Variants in GPR39 observed in about 807,000 individuals in gnomAD.
The protein encoded by GPR39 is G protein-coupled receptor 39, also known as zinc sensing receptor.
Under a neutral mutation model 18.4 loss-of-function variants are expected in GPR39, and 23 were observed. The ratio of observed to expected loss-of-function variants is 1.25; its 90% CI spans 0.90 to 1.77. The LOEUF is 1.77. Ranked by LOEUF, GPR39 falls within the 40% of genes most tolerant of loss-of-function variation. The probability of loss-of-function intolerance (pLI) is 0.00; values close to 1 mark genes in which losing one functional copy is unlikely to be tolerated. For synonymous variants in GPR39, 280 were observed against 257.9 expected, an observed-to-expected ratio of 1.09 and a Z score of -0.82; for missense variants, 647 against 602.4, an observed-to-expected ratio of 1.07 and a Z score of -0.78.
chr2:132,474,077 C>T (rs1226419860), intron 1 of GPR39, among the ~76,000 whole-genome samples: 1 of 152,032 alleles, frequency 6.6e-6, no homozygotes, highest in Non-Finnish European at 1.5e-5. Flanking sequence ...GTCCTCACTT[C>T]AGTCAGAGGA....
At chr2:132,555,175 C>T (rs1369835685) in intron 1 of GPR39, among the ~76,000 whole-genome samples, 2 of 152,166 alleles carry the variant, frequency 1.3e-5, no homozygotes, top group Non-Finnish European at 2.9e-5. Flanking sequence ...TGGTCTTGAT[C>T]TCCTGACCTT....
intron 1 of GPR39, among the ~76,000 whole-genome samples, chr2:132,427,091 AT>A (rs1272720628): frequency 6.9e-6 from 1 of 145,352 alleles, no homozygotes; most frequent in African/African-American, 2.5e-5. Context: ...TATAATATAC[AT>A]ATATAGGTAC....
rs562829431 is a variant in GPR39, at chr2:132,533,608, A to G, written c.857-111493A>G. 3.7e-4 allele frequency among the ~76,000 whole-genome samples: 57 copies of G among 152,268 alleles called. 1 individual carries two copies. The highest frequency in any genetic ancestry group is 1.3e-3 in the African/African-American group (52 of 41,552). ...TGACTTCAAACTATATTACAAGGCT[A>G]CAGTAACCAAAACAGCATGGTACTG... is the stretch of plus-strand genomic sequence containing the variant. On this transcript the variant is annotated intron_variant, in intron 1 of 1. Coordinates refer to ENST00000329321, the MANE Select transcript of GPR39 (RefSeq NM_001508.3).
At chr2:132,641,980 C>T (rs940850013) in intron 1 of GPR39, among the ~76,000 whole-genome samples, 1 of 152,224 alleles carries the variant, frequency 6.6e-6, no homozygotes, top group African/African-American at 2.4e-5. Context: ...CTAACTTTCT[C>T]TGAGCCTGCA....
At chr2:132,568,063 G>C (rs1471356075) in intron 1 of GPR39, among the ~76,000 whole-genome samples, 1 of 152,000 alleles carries the variant, frequency 6.6e-6, no homozygotes, top group Admixed American at 6.5e-5. Flanking sequence ...GATTTAACTG[G>C]CCTTGAGTAG....
intron 1 of GPR39, among the ~76,000 whole-genome samples, chr2:132,552,857 TATATAC>T (rs1450366105): frequency 6.9e-6 from 1 of 145,658 alleles, no homozygotes; most frequent in African/African-American, 2.6e-5. Context: ...CACACATATA[TATATAC>T]ATATATATAC....
intron 1 of GPR39, among the ~76,000 whole-genome samples, chr2:132,601,219 T>C (rs1681037235): frequency 6.6e-6 from 1 of 152,070 alleles, no homozygotes; most frequent in African/African-American, 2.4e-5. Flanking sequence ...CTCAACAAAA[T>C]ACTAGCAAAC....
At chr2:132,421,149 A>G (rs1319643366) in intron 1 of GPR39, among the ~76,000 whole-genome samples, 4 of 152,126 alleles carry the variant, frequency 2.6e-5, no homozygotes, top group Non-Finnish European at 5.9e-5. Context: ...GGATGTGTAA[A>G]ATGAGACTTC....
In GPR39 at chr2:132,645,879, G is replaced by T; in HGVS notation, c.*273G>T. The T allele has an allele frequency of 1.5e-6, 1 of 654,452 alleles. No homozygotes were observed. The highest frequency in any genetic ancestry group is 2.6e-6 in the Non-Finnish European group (1 of 390,782). The allele number at this position is 654,452 out of a possible 1,614,324, so 40.5% of individuals were successfully genotyped here. On this transcript the variant is annotated 3_prime_UTR_variant, in exon 2 of 2. Transcript: ENST00000329321. ...CAGTCAGGCTGAATTTATTCAGAAT[G>T]CTTTACCGAGCTCTTTCATTATTTG... is the stretch of plus-strand genomic sequence containing the variant.
At chr2:132,432,898 G>A (rs907039318) in intron 1 of GPR39, among the ~76,000 whole-genome samples, 1 of 152,170 alleles carries the variant, frequency 6.6e-6, no homozygotes, top group Non-Finnish European at 1.5e-5. Flanking sequence ...AGTATATGGA[G>A]GCCACCTGTG....
At chr2:132,577,466 G>A (rs1274185724) in intron 1 of GPR39, among the ~76,000 whole-genome samples, 1 of 152,102 alleles carries the variant, frequency 6.6e-6, no homozygotes, top group East Asian at 1.9e-4. Context: ...TATTAAATCT[G>A]TATATCAATT....
At chr2:132,502,056 G>A (rs1679049065) in intron 1 of GPR39, among the ~76,000 whole-genome samples, 1 of 152,134 alleles carries the variant, frequency 6.6e-6, no homozygotes, top group South Asian at 2.1e-4. Flanking sequence ...TTTAAGTGGA[G>A]CATTTAGGCC....
chr2:132,621,151 C>T (rs1022148158), intron 1 of GPR39, among the ~76,000 whole-genome samples: 14 of 152,152 alleles, frequency 9.2e-5, no homozygotes, highest in Non-Finnish European at 2.1e-4. Flanking sequence ...GCAGCTGCTT[C>T]CCTGGCTTCA....
chr2:132,496,117 A>G (rs1192955372), intron 1 of GPR39, among the ~76,000 whole-genome samples: 2 of 152,112 alleles, frequency 1.3e-5, no homozygotes, highest in Admixed American at 6.5e-5. Flanking sequence ...ACTTGTAGCT[A>G]TTGGGCTGCA....
Position 132,591,801 on chromosome 2 carries a change from A to G in GPR39, c.857-53300A>G, listed in dbSNP as rs73955744. ...TGGTAGTTTCCAGTTTGGGGAAATT[A>G]TGAAATAAAACTGATTTAAAAAAAA... On this transcript the variant is annotated intron_variant, in intron 1 of 1. Transcript: ENST00000329321. 4.5e-3 allele frequency among the ~76,000 whole-genome samples: 683 copies of G among 152,292 alleles called. 4 individuals carry two copies. The highest frequency in any genetic ancestry group is 0.015 in the African/African-American group (634 of 41,552).
intron 1 of GPR39, among the ~76,000 whole-genome samples, chr2:132,626,739 C>G (rs1271109255): frequency 6.6e-6 from 1 of 152,080 alleles, no homozygotes; most frequent in African/African-American, 2.4e-5. Flanking sequence ...AGTGATGTTA[C>G]CTTAGGAGGC....
chr2:132,529,411 G>C (rs1679570845), intron 1 of GPR39, among the ~76,000 whole-genome samples: 1 of 152,248 alleles, frequency 6.6e-6, no homozygotes, highest in African/African-American at 2.4e-5. Flanking sequence ...TGCCTCTGTA[G>C]GTTCCACCTC....
chr2:132,621,490 T>C (rs1024865049), intron 1 of GPR39, among the ~76,000 whole-genome samples: 2 of 152,192 alleles, frequency 1.3e-5, no homozygotes, highest in African/African-American at 4.8e-5. Flanking sequence ...TCCAATTGAT[T>C]GGTTCAGAAC....
intron 1 of GPR39, among the ~76,000 whole-genome samples, chr2:132,512,809 T>C (rs1394697777): frequency 1.3e-5 from 2 of 152,230 alleles, no homozygotes; most frequent in Admixed American, 1.3e-4. Flanking sequence ...AGTACACACA[T>C]GTATTCATGC....
Sources: allele counts gnomAD v4.1 joint callset (sites outside exome capture counted in the v4.1 genomes callset), GRCh38; gene constraint gnomAD v4.1.1; transcripts MANE v1.5; gene names NCBI Gene and HGNC (gene_info 2026-07-23, HGNC 2026-07-21).